The following FUBP3 variants were observed in gnomAD, a reference collection of about 807,000 sequenced individuals.
FUBP3 encodes far upstream element binding protein 3.
FUBP3 carries 28 observed loss-of-function variants against 85.6 expected under a neutral mutation model. The observed-to-expected ratio is 0.33, with a 90% CI of 0.24 to 0.45. The LOEUF is 0.45. Ranked by LOEUF, FUBP3 falls within the 20% of genes least tolerant of loss-of-function variation. FUBP3 has a pLI of 1.00. For synonymous variants in FUBP3, 271 were observed against 271.4 expected, an observed-to-expected ratio of 1.00 and a Z score of 0.01; for missense variants, 583 against 755.1, an observed-to-expected ratio of 0.77 and a Z score of 2.67.
At chr9:130,628,645 A>G (rs1830089785) in intron 12 of FUBP3, among the ~76,000 whole-genome samples, 1 of 152,196 alleles carries the variant, frequency 6.6e-6, no homozygotes, top group Non-Finnish European at 1.5e-5. Context: ...TCTCAGTCGC[A>G]GACACTCGTG....
rs1181348824 is a variant in FUBP3 at position 130,612,803 on chromosome 9, C to T, written c.275-153C>T. ...TTTCACAAGGGCTTTCTGCTGCCAT[C>T]ATGCCCAAAGAGTGGAGATGGGCTC... is the stretch of plus-strand genomic sequence containing the variant. On this transcript the variant is annotated intron_variant, in intron 4 of 18. Transcript: ENST00000319725. This position sits in a 1 kb window ranked among gnomAD's most constrained non-coding sequence, Gnocchi z 4.1. 6.6e-6 allele frequency among the ~76,000 whole-genome samples: 1 copy of T among 152,174 alleles called. No individual in the cohort carries two copies. Among genetic ancestry groups the T allele is most frequent in the East Asian group, 1.9e-4 (1 of 5,186 alleles).
intron 2 of FUBP3, among the ~76,000 whole-genome samples, chr9:130,606,895 GAA>G (rs200301425): frequency 6.2e-4 from 79 of 127,332 alleles, no homozygotes; most frequent in South Asian, 9.8e-4. Context: ...TTTTGGAGGA[GAA>G]AAAAAAAATG....
chr9:130,623,657 G>C lies in FUBP3; in HGVS notation c.921G>C (p.Pro307=). The C allele has an allele frequency of 6.2e-7, 1 of 1,613,986 alleles. No homozygotes were observed. The part of the protein sequence containing the change: ...PERAAQVMGP[P]DRCQHAAHII... ...GAGCTGCCCAGGTCATGGGCCCTCC[G>C]GATCGGTGTCAGCATGCAGCGCATA... The change falls in exon 11 of 19, where the codon CCG becomes CCC. Residue 307 remains proline, a synonymous_variant. Coordinates refer to ENST00000319725, the MANE Select transcript of FUBP3 (RefSeq NM_003934.2).
chr9:130,595,554 A>G lies in FUBP3; in HGVS notation c.156A>G (p.Gly52=). ...CTCTAGTGGACCCCTCAGTATATGGATACGGAGTACAAAAACGGCCCTTGG... is the reference window on the plus strand; with the variant it reads ...CTCTAGTGGACCCCTCAGTATATGGGTACGGAGTACAAAAACGGCCCTTGG... The part of the protein sequence containing the change: ...STPLVDPSVY[G]YGVQKRPLDD... The change falls in exon 2 of 19, where the codon GGA becomes GGG. Residue 52 remains glycine, a synonymous_variant. Transcript: ENST00000319725. The G allele has an allele frequency of 6.3e-7, 1 of 1,582,502 alleles. No homozygotes were observed. Among genetic ancestry groups the G allele is most frequent in the Non-Finnish European group, 8.7e-7 (1 of 1,151,104 alleles).
At chr9:130,595,151 G>A (rs1014462930) in intron 1 of FUBP3, among the ~76,000 whole-genome samples, 5 of 150,598 alleles carry the variant, frequency 3.3e-5, no homozygotes, top group African/African-American at 9.8e-5. Context: ...GCTTGAACCC[G>A]GGAGGCAAAG....
At position 130,595,541 on chromosome 9, in the gene FUBP3, C is replaced by T. The variant is rs753195838; in HGVS notation, c.143C>T (p.Pro48Leu). 2 of 1,593,308 alleles carry T rather than the reference C, an allele frequency of 1.3e-6. No individual in the cohort carries two copies. Among genetic ancestry groups the T allele is most frequent in the Admixed American group, 3.3e-5 (2 of 60,014 alleles). ...HLNNSTPLVD[P>L]SVYGYGVQKR... The stretch of plus-strand genomic sequence containing the variant: ...AATAATTCCACACCTCTAGTGGACC[C>T]CTCAGTATATGGATACGGAGTACAA... The change falls in exon 2 of 19, where the codon CCC becomes CTC. Residue 48 changes from proline to leucine, a missense_variant. Around this residue, in one of 3 missense-constraint regions of FUBP3, gnomAD observed 177 missense variants for 221.9 expected, o/e 0.80. Coordinates refer to ENST00000319725, the MANE Select transcript of FUBP3 (RefSeq NM_003934.2).
At position 130,623,669 on chromosome 9, in the gene FUBP3, G is replaced by C; in HGVS notation, c.933G>C (p.Gln311His). ...AQVMGPPDRC[Q>H]HAAHIISELI... ...TCATGGGCCCTCCGGATCGGTGTCA[G>C]CATGCAGCGCATATCATCAGCGAGC... The change falls in exon 11 of 19, where the codon CAG (glutamine) becomes CAC (histidine). Residue 311 changes from glutamine (Q) to histidine (H), a missense_variant. Around this residue, in one of 3 missense-constraint regions of FUBP3, gnomAD observed 404 missense variants for 516.8 expected, o/e 0.78. Transcript: ENST00000319725. 1.2e-6 allele frequency: 2 copies of C among 1,613,878 alleles called. No homozygotes were observed. The highest frequency in any genetic ancestry group is 1.1e-5 in the South Asian group (1 of 91,070).
intron 9 of FUBP3, among the ~76,000 whole-genome samples, chr9:130,621,775 C>T (rs943071450): frequency 1.3e-5 from 2 of 151,796 alleles, no homozygotes; most frequent in Non-Finnish European, 2.9e-5. Context: ...TGTGGTGACG[C>T]GTGCCTGTAG....
At chr9:130,601,281 G>A (rs568775863) in intron 2 of FUBP3, among the ~76,000 whole-genome samples, 1 of 152,302 alleles carries the variant, frequency 6.6e-6, no homozygotes, top group African/African-American at 2.4e-5. Context: ...CTAACCACCT[G>A]AAACAAGTGC....
At chr9:130,600,201 T>C (rs1831086801) in intron 2 of FUBP3, among the ~76,000 whole-genome samples, 1 of 149,416 alleles carries the variant, frequency 6.7e-6, no homozygotes, top group Admixed American at 6.7e-5. Context: ...TCTGAATTTC[T>C]AAAGCAGTGT....
intron 1 of FUBP3, chr9:130,581,325 A>G (rs960814871): frequency 6.6e-6 from 1 of 152,244 alleles, no homozygotes; most frequent in Non-Finnish European, 1.5e-5. Context: ...TTGTTGAAGC[A>G]GTGGTGTTTA....
intron 1 of FUBP3, among the ~76,000 whole-genome samples, chr9:130,593,705 A>G (rs1830733427): frequency 6.6e-6 from 1 of 152,222 alleles, no homozygotes; most frequent in Admixed American, 6.5e-5. Flanking sequence ...GCTCAGAACT[A>G]CCACTGAAGA....
At chr9:130,588,145 A>G (rs1416190106) in intron 1 of FUBP3, among the ~76,000 whole-genome samples, 2 of 151,946 alleles carry the variant, frequency 1.3e-5, no homozygotes, top group African/African-American at 4.8e-5. Flanking sequence ...TGGTCACAAA[A>G]CTCCCGGGGA....
Position 130,595,352 on chromosome 9 carries a change from C to T in FUBP3, c.85-131C>T, listed in dbSNP as rs1022840721. On this transcript the variant is annotated intron_variant, in intron 1 of 18. Coordinates refer to ENST00000319725, the MANE Select transcript of FUBP3 (RefSeq NM_003934.2). ...ACAGTGAAAAGTATTTGTGCTCTTG[C>T]GGTGCTGCCTTCCATTAATCAAGGT... The T allele has an allele frequency of 1.8e-5, 11 of 616,022 alleles. No homozygotes were observed. In the Admixed American group the frequency reaches 2.0e-4, roughly 11 times the overall value. 38.2% of individuals were successfully genotyped at this position (616,022 alleles called of 1,614,324 possible).
At chr9:130,595,377 T>G in intron 1 of FUBP3, 106 bp from the exon 2 acceptor site, 1 of 714,078 alleles carries the variant, frequency 1.4e-6, no homozygotes, top group Non-Finnish European at 2.6e-6. Context: ...TTAATCAAGG[T>G]CAGGGGAGAA....
intron 16 of FUBP3, among the ~76,000 whole-genome samples, chr9:130,634,324 A>T (rs1830332352): frequency 6.6e-6 from 1 of 152,176 alleles, no homozygotes; most frequent in African/African-American, 2.4e-5. Context: ...GGGCCACGCG[A>T]AGAGAGTGGT....
chr9:130,608,799 C>A (rs1831592876), intron 2 of FUBP3, among the ~76,000 whole-genome samples: 1 of 152,082 alleles, frequency 6.6e-6, no homozygotes, highest in Non-Finnish European at 1.5e-5. Flanking sequence ...TTTTGCTTTG[C>A]TTTTTCTTCT....
At chr9:130,600,816 AT>A (rs975526781) in intron 2 of FUBP3, among the ~76,000 whole-genome samples, 24 of 151,714 alleles carry the variant, frequency 1.6e-4, no homozygotes, top group African/African-American at 5.6e-4. Context: ...CTACAAAAAA[AT>A]GAAAGAAGAT....
At chr9:130,625,069 C>T (rs537494066) in intron 11 of FUBP3, among the ~76,000 whole-genome samples, 39 of 152,240 alleles carry the variant, frequency 2.6e-4, no homozygotes, top group South Asian at 6.2e-4. Flanking sequence ...ATTAGCCGGG[C>T]GTGGTGGCGC....
Sources: allele counts gnomAD v4.1 joint callset (sites outside exome capture counted in the v4.1 genomes callset), GRCh38; gene constraint gnomAD v4.1.1; regional missense constraint gnomAD v4.1.1; non-coding constraint Gnocchi (gnomAD v3.1); transcripts MANE v1.5; gene names NCBI Gene and HGNC (gene_info 2026-07-23, HGNC 2026-07-21).